The following CDH18 variants were observed in gnomAD, a reference collection of about 807,000 sequenced individuals.
The protein encoded by CDH18 is cadherin-18.
Under a neutral mutation model 67.9 loss-of-function variants are expected in CDH18, and 31 were observed. The observed-to-expected ratio is 0.46, with a 90% CI of 0.34 to 0.62. The LOEUF is 0.62. Among genes scored for constraint, CDH18 ranks in the 20% least tolerant of loss-of-function variants. The probability of loss-of-function intolerance (pLI) is 0.01; values close to 1 mark genes in which losing one functional copy is unlikely to be tolerated. For synonymous variants in CDH18, 362 were observed against 347.2 expected (o/e 1.04, Z -0.48); for missense variants, 890 against 975.5 (o/e 0.91, Z 1.17).
chr5:19,636,239 A>C (rs1477509599), intron 5 of CDH18, among the ~76,000 whole-genome samples: 1 of 152,064 alleles, frequency 6.6e-6, no homozygotes, highest in Non-Finnish European at 1.5e-5. Flanking sequence ...TTCAATTGAC[A>C]CAAAATTGTA....
At chr5:19,759,253 A>G (rs1349796887) in intron 3 of CDH18, among the ~76,000 whole-genome samples, 1 of 152,198 alleles carries the variant, frequency 6.6e-6, no homozygotes, top group Non-Finnish European at 1.5e-5. Context: ...GCCAAATGGA[A>G]GAGTTGAATG....
At chr5:20,323,900 G>A (rs1738283193) in intron 1 of CDH18, among the ~76,000 whole-genome samples, 1 of 152,172 alleles carries the variant, frequency 6.6e-6, no homozygotes, top group African/African-American at 2.4e-5. Flanking sequence ...TCACCTGAAA[G>A]TTCATAACAG....
intron 2 of CDH18, among the ~76,000 whole-genome samples, chr5:20,241,927 T>C (rs1016724422): frequency 2.1e-5 from 3 of 146,266 alleles, no homozygotes; most frequent in Non-Finnish European, 3.0e-5. Flanking sequence ...TCAGAGGCAC[T>C]GTGCAAACTC....
intron 1 of CDH18, among the ~76,000 whole-genome samples, chr5:20,293,837 C>A (rs887613640): frequency 6.6e-6 from 1 of 152,108 alleles, no homozygotes; most frequent in Non-Finnish European, 1.5e-5. Flanking sequence ...GTAAAAACCA[C>A]AGGAAACATT....
At chr5:19,584,932 C>G (rs942264662) in intron 7 of CDH18, among the ~76,000 whole-genome samples, 2 of 150,732 alleles carry the variant, frequency 1.3e-5, no homozygotes, top group Admixed American at 6.6e-5. Flanking sequence ...GGGACCGAGG[C>G]GGCAGTGAGT....
chr5:19,987,590 G>A (rs1799701741), intron 1 of CDH18, among the ~76,000 whole-genome samples: 1 of 151,506 alleles, frequency 6.6e-6, no homozygotes, highest in Non-Finnish European at 1.5e-5. Context: ...TGCAGTTTCA[G>A]TGCTCAGAAA....
intron 6 of CDH18, among the ~76,000 whole-genome samples, chr5:19,604,908 C>T (rs940935154): frequency 6.6e-6 from 1 of 151,726 alleles, no homozygotes; most frequent in Non-Finnish European, 1.5e-5. Flanking sequence ...CACTCTTAAT[C>T]ATAAATAACA....
chr5:19,553,835 T>C (rs369190478), intron 8 of CDH18, among the ~76,000 whole-genome samples: 1 of 151,948 alleles, frequency 6.6e-6, no homozygotes, highest in Admixed American at 6.6e-5. Context: ...TGTTTTGTCA[T>C]GTTGCCCAGG....
intron 1 of CDH18, among the ~76,000 whole-genome samples, chr5:20,512,800 C>T (rs530148707): frequency 2.6e-4 from 39 of 150,656 alleles, no homozygotes; most frequent in East Asian, 2.0e-4. Context: ...AGGAGAATCA[C>T]TTAAACCTGG....
At chr5:19,786,366 A>G (rs183142401) in intron 3 of CDH18, among the ~76,000 whole-genome samples, 86 of 152,248 alleles carry the variant, frequency 5.6e-4, no homozygotes, top group Middle Eastern at 3.4e-3. Context: ...TTGCTATTTG[A>G]TATGTTAGTT....
chr5:19,986,809 C>T (rs1353987626), intron 1 of CDH18, among the ~76,000 whole-genome samples: 1 of 152,166 alleles, frequency 6.6e-6, no homozygotes, highest in Non-Finnish European at 1.5e-5. Flanking sequence ...GGACCTCAAA[C>T]TCCTGATTTA....
At chr5:19,638,977 GTTTTTT>G (rs34631530) in intron 5 of CDH18, among the ~76,000 whole-genome samples, 32 of 54,718 alleles carry the variant, frequency 5.8e-4, no homozygotes, top group Middle Eastern at 0.021. Context: ...TTTTGTTGCT[GTTTTTT>G]TTTTTTTTTT....
At chr5:20,272,762 G>A (rs1265387783) in intron 1 of CDH18, among the ~76,000 whole-genome samples, 1 of 151,824 alleles carries the variant, frequency 6.6e-6, no homozygotes, top group Non-Finnish European at 1.5e-5. Context: ...CTGTACCTCA[G>A]TTAAAACCAG....
At chr5:20,176,436 G>T (rs541608957) in intron 2 of CDH18, among the ~76,000 whole-genome samples, 3 of 151,980 alleles carry the variant, frequency 2.0e-5, no homozygotes, top group African/African-American at 7.2e-5. Context: ...TTCTTGATAC[G>T]ACTTGCTTCT....
In CDH18 at chr5:20,433,700, TG is replaced by T. The variant is rs1193027220; in HGVS notation, c.-580+141761del. On this transcript the variant is annotated intron_variant, in intron 1 of 14. Transcript: ENST00000507958. ...TTGTAAATAAAGAAGCATAGAAAAG[TG>T]GGGACTAATTGTATATTTACAACTG... 4.6e-5 allele frequency among the ~76,000 whole-genome samples: 7 copies of T among 151,992 alleles called. No individual in the cohort carries two copies. The South Asian group carries it at 6.2e-4, about 13-fold the overall frequency.
At chr5:20,151,880 T>C (rs1416452425) in intron 2 of CDH18, among the ~76,000 whole-genome samples, 5 of 151,740 alleles carry the variant, frequency 3.3e-5, no homozygotes, top group African/African-American at 1.2e-4. Context: ...TCAATATCAA[T>C]GATTAAATTT....
intron 3 of CDH18, among the ~76,000 whole-genome samples, chr5:19,787,532 A>G (rs1035415971): frequency 2.0e-5 from 3 of 152,150 alleles, no homozygotes; most frequent in Non-Finnish European, 2.9e-5. Context: ...GTTATCTGAA[A>G]CTATATGCAT....
intron 1 of CDH18, among the ~76,000 whole-genome samples, chr5:20,281,811 C>A (rs1206293739): frequency 6.6e-6 from 1 of 152,108 alleles, no homozygotes; most frequent in African/African-American, 2.4e-5. Flanking sequence ...GGCATTATGG[C>A]CATTTTCACG....
chr5:20,197,902 G>A (rs572922241), intron 2 of CDH18, among the ~76,000 whole-genome samples: 4 of 152,252 alleles, frequency 2.6e-5, no homozygotes, highest in Admixed American at 1.3e-4. Context: ...TCAAGGGCGG[G>A]ACCAGGTGGA....
Sources: gnomAD v4.1 joint callset for allele counts (sites outside exome capture counted in the v4.1 genomes callset) on GRCh38, gnomAD v4.1.1 for gene constraint, MANE v1.5 for transcripts, NCBI Gene and HGNC (gene_info 2026-07-23, HGNC 2026-07-21) for gene names.